The following PDZD2 variants were observed in gnomAD, a reference collection of about 807,000 sequenced individuals.
PDZD2 encodes PDZ domain-containing protein 2.
Under a neutral mutation model 220.7 loss-of-function variants are expected in PDZD2, and 90 were observed. That is an observed-to-expected ratio of 0.41 (90% CI 0.34 to 0.49). PDZD2 has a LOEUF of 0.49. PDZD2 is among the 20% of genes least tolerant of loss of function. The pLI is 0.28. For missense variants in PDZD2, 3,174 were observed against 3,608.5 expected (o/e 0.88, Z 3.08); for synonymous variants, 1,375 against 1,450.5 (o/e 0.95, Z 1.18).
At chr5:32,025,094 AT>A (rs1197648137) in intron 6 of PDZD2, among the ~76,000 whole-genome samples, 1 of 152,184 alleles carries the variant, frequency 6.6e-6, no homozygotes, top group East Asian at 1.9e-4. Flanking sequence ...CCTTAGAAAT[AT>A]ATGTCAGCAA....
chr5:31,782,266 C>G (rs1319473927), intron 1 of PDZD2, among the ~76,000 whole-genome samples: 1 of 151,964 alleles, frequency 6.6e-6, no homozygotes, highest in Non-Finnish European at 1.5e-5. Flanking sequence ...TAAATATGTC[C>G]CAACTATTAC....
chr5:31,762,444 C>A (rs988490031), intron 1 of PDZD2, among the ~76,000 whole-genome samples: 49 of 152,206 alleles, frequency 3.2e-4, no homozygotes, highest in African/African-American at 1.2e-3. Flanking sequence ...TGAGCCACCA[C>A]GCTCGCCTAC....
At chr5:31,867,464 T>G (rs1422933264) in intron 2 of PDZD2, among the ~76,000 whole-genome samples, 1 of 152,178 alleles carries the variant, frequency 6.6e-6, no homozygotes, top group Non-Finnish European at 1.5e-5. Flanking sequence ...AGAAGTGGTT[T>G]CCTTCAGGCC....
chr5:31,730,281 T>C (rs1749447335), intron 1 of PDZD2, among the ~76,000 whole-genome samples: 1 of 152,198 alleles, frequency 6.6e-6, no homozygotes. Flanking sequence ...AGTGAATGAT[T>C]TCTTGTTGCC....
intron 1 of PDZD2, among the ~76,000 whole-genome samples, chr5:31,718,943 G>A (rs974270252): frequency 9.9e-5 from 15 of 152,020 alleles, no homozygotes; most frequent in East Asian, 5.8e-4. Flanking sequence ...CTTGTGATCC[G>A]TCTGCCTTGG....
rs1744437850 is a variant in PDZD2 at position 31,923,220 on chromosome 5, G to T, written c.477-59935G>T. 6.8e-6 allele frequency: 3 copies of T among 438,940 alleles called. No individual in the cohort carries two copies. In the East Asian group the frequency reaches 1.5e-4, roughly 22 times the overall value. 27.2% of individuals were successfully genotyped at this position (438,940 alleles called of 1,614,324 possible). On this transcript the variant is annotated intron_variant, in intron 2 of 24. Coordinates refer to ENST00000438447, the MANE Select transcript of PDZD2 (RefSeq NM_178140.4). ...AGAGGTTGCAGTGAGCTGAGATCGT[G>T]CCATTGCACTCCAGCCTGGGCAACA...
At chr5:32,023,000 G>C (rs959289236) in intron 6 of PDZD2, among the ~76,000 whole-genome samples, 1 of 152,144 alleles carries the variant, frequency 6.6e-6, no homozygotes, top group Non-Finnish European at 1.5e-5. Context: ...CAGAGCCTGT[G>C]CTGCAGGAGT....
At chr5:31,683,971 AT>A (rs76925566) in intron 1 of PDZD2, among the ~76,000 whole-genome samples, 29,960 of 150,470 alleles carry the variant, frequency 0.2, 3,775 homozygotes, top group East Asian at 0.52. Flanking sequence ...ACTCACCAGT[AT>A]TTTTTTTTTA....
intron 1 of PDZD2, among the ~76,000 whole-genome samples, chr5:31,735,317 G>T (rs778008305): frequency 6.6e-6 from 1 of 152,166 alleles, no homozygotes; most frequent in Admixed American, 6.5e-5. Flanking sequence ...GGGGCACTTC[G>T]TGCTGTCACT....
intron 1 of PDZD2, among the ~76,000 whole-genome samples, chr5:31,706,208 G>A (rs67720778): frequency 0.14 from 20,692 of 152,184 alleles, 1,538 homozygotes; most frequent in East Asian, 0.21. Flanking sequence ...CCAAGATGTT[G>A]GCTGTATGGT....
intron 14 of PDZD2, among the ~76,000 whole-genome samples, chr5:32,064,016 G>A (rs1449466615): frequency 6.6e-6 from 1 of 152,126 alleles, no homozygotes; most frequent in African/African-American, 2.4e-5. Context: ...TTTTTTCTCA[G>A]CATCAGCGTC....
intron 1 of PDZD2, among the ~76,000 whole-genome samples, chr5:31,786,670 G>C (rs1462838488): frequency 6.6e-6 from 1 of 152,112 alleles, no homozygotes; most frequent in Admixed American, 6.5e-5. Context: ...CAAGATTTGG[G>C]GGGGTGTAGG....
At chr5:31,810,247 C>T (rs200548673) in intron 2 of PDZD2, among the ~76,000 whole-genome samples, 357 of 20,482 alleles carry the variant, frequency 0.017, 1 homozygote, top group African/African-American at 0.048. Flanking sequence ...ATGACTTTTT[C>T]TTTTCTTCTC....
chr5:31,965,454 A>T (rs1027247237), intron 2 of PDZD2, among the ~76,000 whole-genome samples: 1 of 152,244 alleles, frequency 6.6e-6, no homozygotes, highest in African/African-American at 2.4e-5. Flanking sequence ...GTTGCCAGGC[A>T]CGTGTGGGGC....
At position 31,802,566 on chromosome 5, in the gene PDZD2, A is replaced by G. The variant is rs558314758; in HGVS notation, c.476+2842A>G. Among the ~76,000 whole-genome samples, 5 of 152,294 alleles carry G rather than the reference A, an allele frequency of 3.3e-5. No homozygotes were observed. The South Asian group carries it at 8.3e-4, about 25-fold the overall frequency. On this transcript the variant is annotated intron_variant, in intron 2 of 24. Transcript: ENST00000438447. ...GGGAATAGACCAGTGGGATTCGTTA[A>G]TTGTTACAACTGGCTGTTCTATAAC... is the stretch of plus-strand genomic sequence containing the variant.
At chr5:31,731,843 T>C (rs1749553243) in intron 1 of PDZD2, among the ~76,000 whole-genome samples, 1 of 152,238 alleles carries the variant, frequency 6.6e-6, no homozygotes, top group Non-Finnish European at 1.5e-5. Context: ...GAATAACTTA[T>C]CAGTTCATTG....
At chr5:31,878,444 C>T (rs1739515835) in intron 2 of PDZD2, among the ~76,000 whole-genome samples, 1 of 151,684 alleles carries the variant, frequency 6.6e-6, no homozygotes, top group Non-Finnish European at 1.5e-5. Context: ...AATGGCATAG[C>T]TTGCTCTGAA....
At chr5:31,746,546 T>C (rs1750615142) in intron 1 of PDZD2, among the ~76,000 whole-genome samples, 1 of 152,210 alleles carries the variant, frequency 6.6e-6, no homozygotes, top group Non-Finnish European at 1.5e-5. Flanking sequence ...AAGGGCACGG[T>C]GACCAGTGAT....
intron 16 of PDZD2, 115 bp from the exon 17 acceptor site, chr5:32,072,046 T>C: frequency 1.4e-6 from 1 of 727,326 alleles, no homozygotes; most frequent in East Asian, 2.5e-5. Flanking sequence ...ATCACAGCTA[T>C]TTCAAGTGAC....
Sources: gnomAD v4.1 joint callset for allele counts (sites outside exome capture counted in the v4.1 genomes callset) on GRCh38, gnomAD v4.1.1 for gene constraint, MANE v1.5 for transcripts, NCBI Gene and HGNC (gene_info 2026-07-23, HGNC 2026-07-21) for gene names.